ADGRL2: variants seen among roughly 807,000 people sequenced by gnomAD.
ADGRL2 encodes calcium-independent alpha-latrotoxin receptor 2.
ADGRL2 carries 44 observed loss-of-function variants against 157.4 expected under a neutral mutation model. The ratio of observed to expected loss-of-function variants is 0.28; its 90% CI spans 0.22 to 0.36. The LOEUF (loss-of-function observed/expected upper bound fraction) is 0.36, where lower values mean the gene tolerates loss of function less well. ADGRL2 is among the 10% of genes least tolerant of loss of function. The pLI, the probability that ADGRL2 is intolerant of heterozygous loss-of-function variation, is 1.00. For synonymous variants in ADGRL2, 585 were observed against 624.7 expected (o/e 0.94, Z 0.95); for missense variants, 1,510 against 1,768.9 (o/e 0.85, Z 2.63).
intron 3 of ADGRL2, among the ~76,000 whole-genome samples, chr1:81,666,148 T>C (rs186352829): frequency 4.6e-5 from 7 of 152,208 alleles, no homozygotes. Context: ...AAGGAAATGC[T>C]ACTGCATGTC....
intron 2 of ADGRL2, among the ~76,000 whole-genome samples, chr1:81,565,444 A>G (rs761857367): frequency 2.0e-5 from 3 of 152,148 alleles, no homozygotes; most frequent in Admixed American, 6.6e-5. Context: ...GAGTATCCAC[A>G]TTTGTTGTTG....
At position 81,587,850 on chromosome 1, in the gene ADGRL2, T is replaced by A. The variant is rs552389081; in HGVS notation, c.-143+6870T>A. Among the ~76,000 whole-genome samples the A allele has an allele frequency of 7.2e-5, 11 of 152,040 alleles. No individual in the cohort carries two copies. The South Asian group carries it at 2.3e-3, about 32-fold the overall frequency. On this transcript the variant is annotated intron_variant, in intron 3 of 24. Coordinates refer to the ADGRL2 transcript ENST00000370721. ...AAGGAGGGATTTTAGGTTTAGGAGG[T>A]ATAATTAAAAACAAAACAAAACTGG...
At chr1:81,812,961 T>G (rs1370969237) in intron 1 of ADGRL2, among the ~76,000 whole-genome samples, 1 of 151,788 alleles carries the variant, frequency 6.6e-6, no homozygotes, top group Admixed American at 6.6e-5. Flanking sequence ...GCCAGCTGAA[T>G]TTCTAAGGAA....
chr1:81,839,304 T>C (rs1395303543), intron 2 of ADGRL2, among the ~76,000 whole-genome samples: 3 of 152,100 alleles, frequency 2.0e-5, no homozygotes, highest in Non-Finnish European at 4.4e-5. Flanking sequence ...TATTGAGTGA[T>C]TAAATTGAGC....
At chr1:81,716,822 T>C (rs1014156529) in intron 1 of ADGRL2, among the ~76,000 whole-genome samples, 2 of 152,164 alleles carry the variant, frequency 1.3e-5, no homozygotes, top group African/African-American at 4.8e-5. Flanking sequence ...ATAAGGAAGA[T>C]TAAAGTAATA....
At position 81,886,222 on chromosome 1, in the gene ADGRL2, A is replaced by G. The variant is rs552752164; in HGVS notation, c.74-20795A>G. Among the ~76,000 whole-genome samples, 15 of 152,306 alleles carry G rather than the reference A, an allele frequency of 9.8e-5. No homozygotes were observed. In the East Asian group the frequency reaches 2.7e-3, roughly 27 times the overall value. On this transcript the variant is annotated intron_variant, in intron 2 of 23. Coordinates refer to ENST00000686636, the MANE Select transcript of ADGRL2 (RefSeq NM_001366006.2). Reference sequence around the variant, plus strand: ...AGTCTTGCTTTTGTCACCAGGCTGGAGTGCAGTGGTGCGATCTCAGCTCAC... The same window carrying G: ...AGTCTTGCTTTTGTCACCAGGCTGGGGTGCAGTGGTGCGATCTCAGCTCAC...
chr1:81,842,025 G>C (rs1026274575), intron 2 of ADGRL2, among the ~76,000 whole-genome samples: 6 of 152,046 alleles, frequency 3.9e-5, no homozygotes, highest in Non-Finnish European at 8.8e-5. Context: ...CTGCGGTGGG[G>C]CCCAAGCATT....
chr1:81,759,464 A>G (rs2085797193), intron 1 of ADGRL2, among the ~76,000 whole-genome samples: 1 of 152,196 alleles, frequency 6.6e-6, no homozygotes. Context: ...TCAAATTAAA[A>G]TTTAGTTACT....
chr1:81,906,102 A>G (rs565988433), intron 2 of ADGRL2, among the ~76,000 whole-genome samples: 11 of 152,150 alleles, frequency 7.2e-5, no homozygotes, highest in African/African-American at 2.7e-4. Context: ...CTGCATTAGT[A>G]GTGCACCTCT....
chr1:81,540,420 AC>A (rs1557441971), intron 2 of ADGRL2, among the ~76,000 whole-genome samples: 1 of 152,248 alleles, frequency 6.6e-6, no homozygotes, highest in African/African-American at 2.4e-5. Context: ...CAAGATTGGC[AC>A]AGTGCCTCCC....
At chr1:81,459,461 G>A (rs917838658) in intron 2 of ADGRL2, among the ~76,000 whole-genome samples, 1 of 152,120 alleles carries the variant, frequency 6.6e-6, no homozygotes, top group Admixed American at 6.5e-5. Context: ...ATAACATAAT[G>A]TTCTCAAGGT....
chr1:81,922,148 CT>C (rs1243469430), intron 3 of ADGRL2, among the ~76,000 whole-genome samples: 3 of 152,132 alleles, frequency 2.0e-5, no homozygotes, highest in Non-Finnish European at 4.4e-5. Flanking sequence ...GTGTAACAAA[CT>C]TTCAAAAGCT....
intron 1 of ADGRL2, among the ~76,000 whole-genome samples, chr1:81,803,160 A>G (rs2149507947): frequency 6.6e-6 from 1 of 152,122 alleles, no homozygotes. Context: ...GGGAGTGGCG[A>G]CGAGAGAAAG....
At chr1:81,774,042 C>T (rs187466038) in intron 2 of ADGRL2, among the ~76,000 whole-genome samples, 15 of 152,304 alleles carry the variant, frequency 9.8e-5, no homozygotes, top group African/African-American at 3.6e-4. Context: ...AGAAACAATC[C>T]TGCTGACACC....
At chr1:81,704,409 C>T (rs370486653) in intron 1 of ADGRL2, among the ~76,000 whole-genome samples, 37 of 152,224 alleles carry the variant, frequency 2.4e-4, no homozygotes, top group African/African-American at 6.0e-4. Flanking sequence ...CCCCTGGGAG[C>T]GGCGGGCCTG....
intron 3 of ADGRL2, among the ~76,000 whole-genome samples, chr1:81,683,259 A>T (rs2148961552): frequency 6.6e-6 from 1 of 152,348 alleles, no homozygotes; most frequent in African/African-American, 2.4e-5. Context: ...AAACCCCAAA[A>T]TATTAAGCAC....
rs571654749 is a variant in ADGRL2 at position 81,520,670 on chromosome 1, C to G, written c.-247-60206C>G. Among the ~76,000 whole-genome samples the G allele has an allele frequency of 2.0e-5, 3 of 152,316 alleles. No homozygotes were observed. In the South Asian group the frequency reaches 6.2e-4, roughly 32 times the overall value. On this transcript the variant is annotated intron_variant, in intron 2 of 24. Transcript: ENST00000370721. Reference sequence around the variant, plus strand: ...TCCACGTTAGAAGTACCTGCTTCCCCTTCTGCCATGATTGTAAGTTCCCTG... The same window carrying G: ...TCCACGTTAGAAGTACCTGCTTCCCGTTCTGCCATGATTGTAAGTTCCCTG...
intron 2 of ADGRL2, among the ~76,000 whole-genome samples, chr1:81,566,009 G>C (rs191919742): frequency 6.6e-6 from 1 of 152,284 alleles, no homozygotes; most frequent in East Asian, 1.9e-4. Context: ...GGGTACAGAA[G>C]CAGAGGAGTA....
intron 2 of ADGRL2, among the ~76,000 whole-genome samples, chr1:81,548,966 T>G (rs1313862963): frequency 6.6e-6 from 1 of 152,232 alleles, no homozygotes; most frequent in Non-Finnish European, 1.5e-5. Flanking sequence ...AACAGATTTC[T>G]GCCTTGCAGT....
Sources: allele counts gnomAD v4.1 joint callset (sites outside exome capture counted in the v4.1 genomes callset), GRCh38; gene constraint gnomAD v4.1.1; transcripts MANE v1.5; gene names NCBI Gene and HGNC (gene_info 2026-07-23, HGNC 2026-07-21).